The following TMEM165 variants were observed in gnomAD, a reference collection of about 807,000 sequenced individuals.
The protein encoded by TMEM165 is putative divalent cation/proton antiporter TMEM165.
A neutral mutation model predicts 30.0 loss-of-function variants in TMEM165; 19 were observed. The observed-to-expected ratio is 0.63, with a 90% confidence interval of 0.44 to 0.93. TMEM165 has a LOEUF of 0.93. TMEM165 is among the 40% of genes least tolerant of loss of function. TMEM165 has a pLI of 0.00. For missense variants in TMEM165, 340 were observed against 417.0 expected, an observed-to-expected ratio of 0.82 and a Z score of 1.61; for synonymous variants, 168 against 162.9, an observed-to-expected ratio of 1.03 and a Z score of -0.24.
intron 3 of TMEM165, among the ~76,000 whole-genome samples, chr4:55,437,236 CTA>C (rs1185046912): frequency 6.6e-6 from 1 of 152,150 alleles, no homozygotes. Context: ...CAAATTAAGA[CTA>C]TATTTATGCC....
chr4:55,396,740 G>C (rs946154818), intron 1 of TMEM165, among the ~76,000 whole-genome samples: 5 of 152,200 alleles, frequency 3.3e-5, no homozygotes, highest in Non-Finnish European at 5.9e-5. Context: ...ACAGAAGGCT[G>C]CTAGGAGGCT....
chr4:55,442,246 A>C, intron 3 of TMEM165: 1 of 603,124 alleles, frequency 1.7e-6, no homozygotes, highest in Non-Finnish European at 2.9e-6. Flanking sequence ...ATTTGTTGTT[A>C]CCCTTTAATT....
intron 3 of TMEM165, chr4:55,442,722 A>G: frequency 8.8e-7 from 1 of 1,136,156 alleles, no homozygotes; most frequent in Non-Finnish European, 1.3e-6. Context: ...TAACAATATG[A>G]CAATATGACA....
chr4:55,416,956 C>A, intron 2 of TMEM165, 116 bp from the exon 3 acceptor site: 1 of 842,170 alleles, frequency 1.2e-6, no homozygotes, highest in Non-Finnish European at 1.8e-6. Context: ...ACTAGATTAG[C>A]TTCTAATGTG....
rs1339339636 is a variant in TMEM165, at chr4:55,425,893, A to G, written c.*441A>G. 1.3e-5 allele frequency: 2 copies of G among 152,898 alleles called. No homozygotes were observed. Among genetic ancestry groups the G allele is most frequent in the African/African-American group, 4.8e-5 (2 of 41,474 alleles). 9.5% of individuals were successfully genotyped at this position (152,898 alleles called of 1,614,324 possible). Reference sequence around the variant, plus strand: ...AAAACATTTCCCTGAGCCAGTAAACAGTAGTTTAATCATTGGTCTTTTCAA... The same window carrying G: ...AAAACATTTCCCTGAGCCAGTAAACGGTAGTTTAATCATTGGTCTTTTCAA... On this transcript the variant is annotated 3_prime_UTR_variant, in exon 6 of 6. Transcript: ENST00000381334.
chr4:55,435,263 AT>A, intron 3 of TMEM165: 1 of 889,826 alleles, frequency 1.1e-6, no homozygotes, highest in Non-Finnish European at 1.8e-6. Flanking sequence ...ACTAGGCAGC[AT>A]TTTCTCTGCC....
rs779775771 is a variant in TMEM165 at position 55,396,355 on chromosome 4, C to G, written c.166C>G (p.Gln56Glu). 1.3e-6 allele frequency: 2 copies of G among 1,510,324 alleles called. No homozygotes were observed. The highest frequency in any genetic ancestry group is 5.4e-5 in the East Asian group (2 of 36,984). 93.6% of individuals were successfully genotyped at this position (1,510,324 alleles called of 1,614,324 possible). The change falls in exon 1 of 6, where the codon CAG (glutamine) becomes GAG (glutamate). Residue 56 changes from glutamine (Q) to glutamate (E), a missense_variant. Physicochemically the swap from Gln to Glu is conservative, Grantham distance 29 (BLOSUM62 2). Around this residue, in one of 2 missense-constraint regions of TMEM165, gnomAD observed 120 missense variants for 109.4 expected, o/e 1.10. Coordinates refer to ENST00000381334, the MANE Select transcript of TMEM165 (RefSeq NM_018475.5). The part of the protein sequence containing the change: ...PPAPAQQLQP[Q>E]PVAVQGPEPA... ...GGCGCCGGCCCAGCAGCTGCAGCCG[C>G]AGCCTGTGGCTGTGCAGGGCCCCGA...
At chr4:55,439,669 T>C (rs1240937262) in intron 3 of TMEM165, among the ~76,000 whole-genome samples, 1 of 152,152 alleles carries the variant, frequency 6.6e-6, no homozygotes, top group African/African-American at 2.4e-5. Context: ...GAATATTACT[T>C]AGCCTTAAAA....
At chr4:55,403,037 G>A (rs983204905) in intron 1 of TMEM165, among the ~76,000 whole-genome samples, 6 of 150,934 alleles carry the variant, frequency 4.0e-5, no homozygotes, top group East Asian at 2.0e-4. Flanking sequence ...TGATCCGCCC[G>A]CCTGGGCCTC....
chr4:55,408,922 C>CTTTTT (rs35089311), intron 1 of TMEM165, among the ~76,000 whole-genome samples: 1 of 142,798 alleles, frequency 7.0e-6, no homozygotes, highest in African/African-American at 2.6e-5. Context: ...TTGAAATGCC[C>CTTTTT]TTTTTTTTTT....
chr4:55,451,566 C>G (rs927283814), intron 3 of TMEM165, among the ~76,000 whole-genome samples: 3 of 152,134 alleles, frequency 2.0e-5, no homozygotes, highest in Non-Finnish European at 4.4e-5. Flanking sequence ...CCAGGGGGAT[C>G]ATGATGCTGG....
chr4:55,399,314 A>C (rs915073432), intron 1 of TMEM165: 2 of 152,216 alleles, frequency 1.3e-5, no homozygotes, highest in African/African-American at 4.8e-5. Flanking sequence ...CCATATGCTT[A>C]GGAGTGGGGT....
At position 55,444,508 on chromosome 4, in the gene TMEM165, T is replaced by A. The variant is rs927347020; in HGVS notation, c.409-7731T>A. On this transcript the variant is annotated intron_variant, in intron 3 of 3. Coordinates refer to the TMEM165 transcript ENST00000608091. ...TCATACTGAGTAGGTAACCAGTGAA[T>A]ATTTATTGAACTGAATTGATAAAAC... 2.6e-5 allele frequency: 30 copies of A among 1,140,694 alleles called. No individual in the cohort carries two copies. The African/African-American group carries it at 4.0e-4, about 15-fold the overall frequency. 70.7% of individuals were successfully genotyped at this position (1,140,694 alleles called of 1,614,324 possible). A position where few individuals can be genotyped will look rare whatever the true frequency, so the allele number is the denominator to read the frequency against.
At chr4:55,449,649 G>A (rs1236818605) in intron 3 of TMEM165, among the ~76,000 whole-genome samples, 2 of 152,170 alleles carry the variant, frequency 1.3e-5, no homozygotes, top group East Asian at 3.8e-4. Context: ...ATGATTCAAT[G>A]TAGTTACTTC....
At chr4:55,433,863 T>C (rs1396760961) in intron 3 of TMEM165, 2 of 152,206 alleles carry the variant, frequency 1.3e-5, no homozygotes, top group African/African-American at 4.8e-5. Context: ...AGTGAAGGCA[T>C]AGCCAAATCC....
At chr4:55,407,292 G>A (rs913118898) in intron 1 of TMEM165, among the ~76,000 whole-genome samples, 5 of 152,124 alleles carry the variant, frequency 3.3e-5, no homozygotes, top group East Asian at 1.9e-4. Flanking sequence ...TCATGCTTTC[G>A]AGCTGCACTG....
chr4:55,440,762 T>C lies in TMEM165; in HGVS notation c.409-11477T>C, dbSNP rs146565762. Among the ~76,000 whole-genome samples the C allele has an allele frequency of 1.8e-3, 269 of 152,324 alleles. 1 individual carries two copies. The highest frequency in any genetic ancestry group is 5.7e-3 in the African/African-American group (237 of 41,576). ...AATGTGATAAGAATATTTTCTTTAA[T>C]CTGCTTTCGTGTAACTCACACTTCT... On this transcript the variant is annotated intron_variant, in intron 3 of 3. Transcript: ENST00000608091.
intron 4 of TMEM165, among the ~76,000 whole-genome samples, chr4:55,420,106 A>AAAAAAATATAT (rs1474254120): frequency 1.5e-4 from 7 of 45,458 alleles, no homozygotes; most frequent in Non-Finnish European, 2.5e-4. Flanking sequence ...AAGAAAAAAA[A>AAAAAAATATAT]ATATATATAT....
Position 55,438,324 on chromosome 4 carries a change from T to A in TMEM165, c.408+13681T>A, listed in dbSNP as rs141175897. The A allele has an allele frequency of 1.9e-6, 3 of 1,614,098 alleles. No individual in the cohort carries two copies. In the East Asian group the frequency reaches 6.7e-5, roughly 36 times the overall value. ...GTGGCTGGGTCAGCTGAGCCTGAGA[T>A]GGTTGCTGAACTGAAGTGAGCTGCT... On this transcript the variant is annotated intron_variant, in intron 3 of 3. Coordinates refer to the TMEM165 transcript ENST00000608091.
Sources: allele counts gnomAD v4.1 joint callset (sites outside exome capture counted in the v4.1 genomes callset), GRCh38; gene constraint gnomAD v4.1.1; regional missense constraint gnomAD v4.1.1; transcripts MANE v1.5; gene names NCBI Gene and HGNC (gene_info 2026-07-23, HGNC 2026-07-21).